CNTNAP5: variants seen among roughly 807,000 people sequenced by gnomAD.
The protein encoded by CNTNAP5 is contactin associated protein family member 5.
In CNTNAP5, 72 loss-of-function variants were observed where a neutral mutation model predicts 150.2. That is an observed-to-expected ratio of 0.48 (90% CI 0.40 to 0.58). The LOEUF (loss-of-function observed/expected upper bound fraction) is 0.58, where lower values mean the gene tolerates loss of function less well. Among genes scored for constraint, CNTNAP5 ranks in the 20% least tolerant of loss-of-function variants. The pLI is 0.00. For missense variants in CNTNAP5, 1,636 were observed against 1,626.2 expected (o/e 1.01, Z -0.10); for synonymous variants, 672 against 619.8 (o/e 1.08, Z -1.25).
chr2:124,092,471 A>G (rs1682837361), intron 1 of CNTNAP5, among the ~76,000 whole-genome samples: 1 of 152,178 alleles, frequency 6.6e-6, no homozygotes, highest in South Asian at 2.1e-4. Flanking sequence ...CCAAATTTGG[A>G]CCAAAGTTTG....
chr2:124,644,152 G>A (rs74362942), intron 12 of CNTNAP5, among the ~76,000 whole-genome samples: 3,613 of 152,262 alleles, frequency 0.024, 45 homozygotes, highest in Middle Eastern at 0.041. Flanking sequence ...CCCATCTAAA[G>A]GATGGTCAAA....
At chr2:124,814,042 C>T (rs1270361468) in intron 19 of CNTNAP5, among the ~76,000 whole-genome samples, 1 of 151,816 alleles carries the variant, frequency 6.6e-6, no homozygotes, top group African/African-American at 2.4e-5. Flanking sequence ...TTTTTGATAG[C>T]TTCCCATTGC....
chr2:124,674,509 C>CCCTTTCTTTCTT (rs1553430172), intron 13 of CNTNAP5, among the ~76,000 whole-genome samples: 19 of 115,366 alleles, frequency 1.6e-4, no homozygotes, highest in African/African-American at 5.3e-4. Flanking sequence ...TTCTTTCTTT[C>CCCTTTCTTTCTT]TCTTTCTTTC....
At chr2:124,229,424 A>T (rs1304735428) in intron 2 of CNTNAP5, among the ~76,000 whole-genome samples, 1 of 152,144 alleles carries the variant, frequency 6.6e-6, no homozygotes, top group Non-Finnish European at 1.5e-5. Flanking sequence ...GATAGAAGGG[A>T]TTTGCCAAAT....
At chr2:124,434,773 CT>C in intron 5 of CNTNAP5, 86 bp downstream of exon 5, 1 of 1,185,690 alleles carries the variant, frequency 8.4e-7, no homozygotes, top group Non-Finnish European at 1.2e-6. Context: ...TGCAGTGTAT[CT>C]GGTGGAAGTC....
chr2:124,249,375 C>G (rs1183559821), intron 3 of CNTNAP5, among the ~76,000 whole-genome samples: 12 of 152,146 alleles, frequency 7.9e-5, no homozygotes, highest in Admixed American at 7.2e-4. Flanking sequence ...GAGCCAGGCA[C>G]CCTTTTAAGT....
intron 1 of CNTNAP5, among the ~76,000 whole-genome samples, chr2:124,211,205 T>C (rs750446434): frequency 9.9e-5 from 15 of 152,214 alleles, no homozygotes; most frequent in Non-Finnish European, 2.2e-4. Context: ...AAATATGTAG[T>C]AGATAGTCCT....
intron 3 of CNTNAP5, among the ~76,000 whole-genome samples, chr2:124,416,229 G>T (rs907551760): frequency 6.6e-6 from 1 of 152,150 alleles, no homozygotes. Flanking sequence ...GGGAAGGTAA[G>T]AGAGAATTGA....
intron 1 of CNTNAP5, among the ~76,000 whole-genome samples, chr2:124,043,006 C>G (rs1166460546): frequency 6.6e-6 from 1 of 152,182 alleles, no homozygotes; most frequent in East Asian, 1.9e-4. Context: ...GATTGCTTAT[C>G]TTCTCCAGTC....
At chr2:124,640,910 T>G (rs1013784709) in intron 12 of CNTNAP5, among the ~76,000 whole-genome samples, 1 of 151,760 alleles carries the variant, frequency 6.6e-6, no homozygotes, top group Admixed American at 6.6e-5. Context: ...GAGGATTACC[T>G]GAGGTTGGAG....
intron 6 of CNTNAP5, among the ~76,000 whole-genome samples, chr2:124,449,643 G>C (rs781729234): frequency 2.0e-5 from 3 of 152,134 alleles, no homozygotes; most frequent in African/African-American, 7.2e-5. Context: ...GGGCGTGCAC[G>C]GATGTCTTGG....
chr2:124,438,034 C>T (rs1383270639), intron 5 of CNTNAP5, among the ~76,000 whole-genome samples: 1 of 152,108 alleles, frequency 6.6e-6, no homozygotes, highest in Non-Finnish European at 1.5e-5. Context: ...GCACTGGGGA[C>T]ATACATAGTG....
chr2:124,518,964 G>C (rs1694792885), intron 8 of CNTNAP5, among the ~76,000 whole-genome samples: 1 of 146,692 alleles, frequency 6.8e-6, no homozygotes, highest in African/African-American at 2.5e-5. Flanking sequence ...ACTTTAGCCT[G>C]GGCCGCAAAG....
chr2:124,530,520 G>T (rs1300699251), intron 10 of CNTNAP5, among the ~76,000 whole-genome samples: 2 of 151,988 alleles, frequency 1.3e-5, no homozygotes, highest in South Asian at 2.1e-4. Context: ...AAGCTAAAAG[G>T]GTCTCTTCTC....
intron 8 of CNTNAP5, among the ~76,000 whole-genome samples, chr2:124,513,616 C>G (rs573056358): frequency 1.3e-5 from 2 of 152,248 alleles, no homozygotes; most frequent in African/African-American, 4.8e-5. Flanking sequence ...TAAAACATTT[C>G]TGAAAGATAG....
intron 3 of CNTNAP5, among the ~76,000 whole-genome samples, chr2:124,396,576 C>G (rs925609269): frequency 6.6e-6 from 1 of 152,126 alleles, no homozygotes; most frequent in Admixed American, 6.5e-5. Flanking sequence ...CCTTTGTAAA[C>G]AATTTATCAA....
At chr2:124,331,421 G>A (rs1689346746) in intron 3 of CNTNAP5, among the ~76,000 whole-genome samples, 1 of 152,032 alleles carries the variant, frequency 6.6e-6, no homozygotes, top group Non-Finnish European at 1.5e-5. Flanking sequence ...TAACTCAAAA[G>A]AGGTCAAACC....
intron 4 of CNTNAP5, among the ~76,000 whole-genome samples, chr2:124,428,463 G>C (rs1005738290): frequency 6.6e-6 from 1 of 152,182 alleles, no homozygotes; most frequent in African/African-American, 2.4e-5. Context: ...TTGAGCTTTG[G>C]GAAGATGGTG....
chr2:124,895,485 G>A (rs956983603), intron 21 of CNTNAP5, among the ~76,000 whole-genome samples: 1 of 151,438 alleles, frequency 6.6e-6, no homozygotes, highest in African/African-American at 2.5e-5. Flanking sequence ...AAGTAACCAG[G>A]TGTGGTGGCA....
Sources: allele counts gnomAD v4.1 joint callset (sites outside exome capture counted in the v4.1 genomes callset), GRCh38; gene constraint gnomAD v4.1.1; transcripts MANE v1.5; gene names NCBI Gene and HGNC (gene_info 2026-07-23, HGNC 2026-07-21).